Variants in ELOVL2 observed in about 807,000 individuals in gnomAD.
The protein encoded by ELOVL2 is very long chain fatty acid elongase 2.
ELOVL2 carries 38 observed loss-of-function variants against 37.7 expected under a neutral mutation model. The observed-to-expected ratio is 1.01, with a 90% CI of 0.78 to 1.32. The LOEUF (loss-of-function observed/expected upper bound fraction) is 1.32. ELOVL2 is among the 40% of genes most tolerant of loss of function. ELOVL2 has a pLI of 0.00. For missense variants in ELOVL2, 352 were observed against 363.6 expected (o/e 0.97, Z 0.26); for synonymous variants, 115 against 122.3 (o/e 0.94, Z 0.40).
chr6:11,017,938 C>A (rs904530917), intron 1 of ELOVL2, among the ~76,000 whole-genome samples: 6 of 152,166 alleles, frequency 3.9e-5, no homozygotes, highest in African/African-American at 1.4e-4. Context: ...TTTTACAATA[C>A]TCACGATATC....
At chr6:11,008,433 A>G (rs1463455520) in intron 2 of ELOVL2, among the ~76,000 whole-genome samples, 1 of 152,054 alleles carries the variant, frequency 6.6e-6, no homozygotes, top group African/African-American at 2.4e-5. Context: ...CAAACAGAAA[A>G]CCACTGTCAC....
At position 10,995,276 on chromosome 6, in the gene ELOVL2, G is replaced by A. The variant is rs376947593; in HGVS notation, c.334-98C>T. On this transcript the variant is annotated intron_variant, in intron 4 of 7. Coordinates refer to ENST00000354666, the MANE Select transcript of ELOVL2 (RefSeq NM_017770.4). Reference sequence around the variant, plus strand: ...TTCTGCCTGCTGCCTGTGGTTTCCTGCTGTTTCTTTCTCACTGCTGAAAAG... The same window carrying A: ...TTCTGCCTGCTGCCTGTGGTTTCCTACTGTTTCTTTCTCACTGCTGAAAAG... 17 of 929,452 alleles carry A rather than the reference G, an allele frequency of 1.8e-5. No homozygotes were observed. In the Admixed American group the frequency reaches 2.0e-4, roughly 11 times the overall value. The allele number at this position is 929,452 out of a possible 1,614,324, so 57.6% of individuals were successfully genotyped here.
At chr6:10,988,228 G>A (rs1175098848) in intron 7 of ELOVL2, among the ~76,000 whole-genome samples, 1 of 152,218 alleles carries the variant, frequency 6.6e-6, no homozygotes, top group Non-Finnish European at 1.5e-5. Context: ...TACAAGACCT[G>A]AAAAGCTGTC....
Position 10,981,425 on chromosome 6 carries a change from CTA to C in ELOVL2, c.*2354_*2355del, listed in dbSNP as rs1196228723. 3 of 152,478 alleles carry C rather than the reference CTA, an allele frequency of 2.0e-5. No individual in the cohort carries two copies. Among genetic ancestry groups the C allele is most frequent in the Non-Finnish European group, 2.9e-5 (2 of 68,014 alleles). The allele number at this position is 152,478 out of a possible 1,614,324, so 9.4% of individuals were successfully genotyped here. ...ATTTTTTGTGGCTAAGATTTCATAA[CTA>C]TTTTTTTAATTAGCCCTTGAATGGT... On this transcript the variant is annotated 3_prime_UTR_variant, in exon 8 of 8. Transcript: ENST00000354666.
At chr6:11,036,911 A>T (rs953221100) in intron 1 of ELOVL2, among the ~76,000 whole-genome samples, 1 of 147,478 alleles carries the variant, frequency 6.8e-6, no homozygotes, top group Admixed American at 6.8e-5. Flanking sequence ...GCATGAGTTA[A>T]TTTTTTTTTT....
At chr6:11,011,182 G>T (rs1396503175) in intron 1 of ELOVL2, among the ~76,000 whole-genome samples, 2 of 151,992 alleles carry the variant, frequency 1.3e-5, no homozygotes, top group African/African-American at 4.8e-5. Context: ...GGCTAACATG[G>T]TGAAACCCCA....
intron 4 of ELOVL2, among the ~76,000 whole-genome samples, chr6:10,996,433 G>T (rs1354163325): frequency 6.6e-6 from 1 of 152,128 alleles, no homozygotes; most frequent in Non-Finnish European, 1.5e-5. Flanking sequence ...ACTTTGGGAG[G>T]CCGAGGTGGG....
At chr6:11,043,661 C>CG (rs1302719454) in intron 1 of ELOVL2, 2 of 153,938 alleles carry the variant, frequency 1.3e-5, no homozygotes, top group African/African-American at 2.4e-5. Context: ...GAGGCACCCA[C>CG]GAGTGCACAG....
At chr6:11,014,972 C>T (rs575911667) in intron 1 of ELOVL2, among the ~76,000 whole-genome samples, 1 of 152,244 alleles carries the variant, frequency 6.6e-6, no homozygotes, top group Non-Finnish European at 1.5e-5. Context: ...CAGAAACTCC[C>T]AAATGTCCAT....
At chr6:11,013,553 C>T (rs974584044) in intron 1 of ELOVL2, among the ~76,000 whole-genome samples, 2 of 152,262 alleles carry the variant, frequency 1.3e-5, no homozygotes, top group African/African-American at 4.8e-5. Flanking sequence ...GAACAGCATT[C>T]GTGTACATAA....
intron 1 of ELOVL2, among the ~76,000 whole-genome samples, chr6:11,028,747 A>G (rs9393877): frequency 3.4e-4 from 51 of 152,198 alleles, no homozygotes; most frequent in African/African-American, 1.1e-3. Context: ...TTTATTAGAT[A>G]CCAGCCATTG....
chr6:10,990,021 C>T (rs1257314468), intron 6 of ELOVL2, among the ~76,000 whole-genome samples, 184 bp from the exon 7 acceptor site: 1 of 152,206 alleles, frequency 6.6e-6, no homozygotes, highest in Non-Finnish European at 1.5e-5. Flanking sequence ...TGTGAAATTG[C>T]CCATGATTTC....
At chr6:11,009,902 G>GA (rs1481401807) in intron 2 of ELOVL2, among the ~76,000 whole-genome samples, 10 of 152,164 alleles carry the variant, frequency 6.6e-5, no homozygotes, top group Non-Finnish European at 1.5e-4. Flanking sequence ...GGCAAGAGTG[G>GA]AAGAGGGGAG....
At position 11,026,112 on chromosome 6, in the gene ELOVL2, C is replaced by T. The variant is rs115733413; in HGVS notation, c.4-15303G>A. ...CGACTGCAAGAGCCAGTTATGACAG[C>T]GTGGCTTCCCCTTTGCTAGTGCTAG... On this transcript the variant is annotated intron_variant, in intron 1 of 7. Transcript: ENST00000354666. Among the ~76,000 whole-genome samples, 426 of 152,236 alleles carry T rather than the reference C, an allele frequency of 2.8e-3. 1 individual carries two copies. Among genetic ancestry groups the T allele is most frequent in the Non-Finnish European group, 4.6e-3 (311 of 68,010 alleles).
chr6:10,986,752 A>G (rs1782059801), intron 7 of ELOVL2, among the ~76,000 whole-genome samples: 1 of 152,192 alleles, frequency 6.6e-6, no homozygotes, highest in Non-Finnish European at 1.5e-5. Flanking sequence ...TCGGTTTGCC[A>G]GTATTTTATT....
intron 5 of ELOVL2, among the ~76,000 whole-genome samples, chr6:10,991,010 C>T (rs963390894): frequency 3.9e-5 from 6 of 152,158 alleles, no homozygotes; most frequent in Admixed American, 1.3e-4. Flanking sequence ...AACTGGCCAG[C>T]GAGACCTTCC....
chr6:10,993,313 C>T (rs1561714292), intron 5 of ELOVL2, among the ~76,000 whole-genome samples: 1 of 152,110 alleles, frequency 6.6e-6, no homozygotes, highest in Admixed American at 6.5e-5. Flanking sequence ...TAAAGCAAGT[C>T]ATCTTCATGT....
At position 10,983,425 on chromosome 6, in the gene ELOVL2, AC is replaced by A; in HGVS notation, c.*355del. The A allele has an allele frequency of 6.0e-6, 1 of 166,372 alleles. No homozygotes were observed. The allele number at this position is 166,372 out of a possible 1,614,324, so 10.3% of individuals were successfully genotyped here. A position where few individuals can be genotyped will look rare whatever the true frequency, so the allele number is the denominator to read the frequency against. ...TTGTAAACATTTTAATCTGAACAAAACCCTTTTTATTTGGAGACTCTCTGTG... is the reference window on the plus strand; with the variant it reads ...TTGTAAACATTTTAATCTGAACAAAACCTTTTTATTTGGAGACTCTCTGTG... On this transcript the variant is annotated 3_prime_UTR_variant, in exon 8 of 8. Transcript: ENST00000354666.
At chr6:11,021,444 T>G (rs893924352) in intron 1 of ELOVL2, among the ~76,000 whole-genome samples, 1 of 152,212 alleles carries the variant, frequency 6.6e-6, no homozygotes, top group African/African-American at 2.4e-5. Context: ...GACCTCTTTT[T>G]CCTTTGACAA....
Sources: allele counts gnomAD v4.1 joint callset (sites outside exome capture counted in the v4.1 genomes callset), GRCh38; gene constraint gnomAD v4.1.1; transcripts MANE v1.5; gene names NCBI Gene and HGNC (gene_info 2026-07-23, HGNC 2026-07-21).